Variants in SVIL observed in about 807,000 individuals in gnomAD.
SVIL encodes archvillin.
A neutral mutation model predicts 240.4 loss-of-function variants in SVIL; 101 were observed. The observed-to-expected ratio is 0.42, with a 90% CI of 0.36 to 0.50. The LOEUF (loss-of-function observed/expected upper bound fraction) is 0.50. Ranked by LOEUF, SVIL falls within the 20% of genes least tolerant of loss-of-function variation. The pLI, the probability that SVIL is intolerant of heterozygous loss-of-function variation, is 0.01. For missense variants in SVIL, 2,512 were observed against 2,818.7 expected, an observed-to-expected ratio of 0.89 and a Z score of 2.46; for synonymous variants, 999 against 1,100.0, an observed-to-expected ratio of 0.91 and a Z score of 1.82.
chr10:29,702,993 TA>T (rs1005244563), intron 1 of SVIL, among the ~76,000 whole-genome samples: 1 of 151,220 alleles, frequency 6.6e-6, no homozygotes, highest in African/African-American at 2.4e-5. Context: ...CACTTTGCTG[TA>T]AAAAAAAAGA....
At chr10:29,664,016 A>C (rs989748290) in intron 2 of SVIL, among the ~76,000 whole-genome samples, 1 of 152,340 alleles carries the variant, frequency 6.6e-6, no homozygotes, top group South Asian at 2.1e-4. Context: ...CCTACGGGAC[A>C]CGTTCCCCAT....
At chr10:29,730,326 C>T (rs1283099412) in intron 1 of SVIL, among the ~76,000 whole-genome samples, 1 of 152,160 alleles carries the variant, frequency 6.6e-6, no homozygotes, top group African/African-American at 2.4e-5. Context: ...TACAATGAAG[C>T]TGTAGAAGAA....
At chr10:29,632,768 C>T (rs1276466480) in intron 1 of SVIL, among the ~76,000 whole-genome samples, 1 of 152,128 alleles carries the variant, frequency 6.6e-6, no homozygotes, top group Admixed American at 6.5e-5. Flanking sequence ...CAGGAAGGCA[C>T]CTAATGTACT....
chr10:29,514,853 GAGATATATTCTATGATAAA>G (rs1950104632), intron 16 of SVIL, among the ~76,000 whole-genome samples: 1 of 152,192 alleles, frequency 6.6e-6, no homozygotes, highest in African/African-American at 2.4e-5. Flanking sequence ...GAGATGGGAT[GAGATATATTCTATGATAAA>G]AGTTTTGTTA....
chr10:29,486,843 T>C (rs1467467025), intron 24 of SVIL, among the ~76,000 whole-genome samples: 7 of 152,238 alleles, frequency 4.6e-5, no homozygotes, highest in Non-Finnish European at 1.5e-5. Flanking sequence ...GACAGTCTCA[T>C]TCAACAGGTC....
At chr10:29,657,651 C>T (rs756256215) in intron 3 of SVIL, among the ~76,000 whole-genome samples, 26 of 152,276 alleles carry the variant, frequency 1.7e-4, no homozygotes, top group Non-Finnish European at 2.6e-4. Flanking sequence ...CTAATAGCCA[C>T]GGCTCAGCTC....
chr10:29,480,502 C>T (rs2132350929), intron 29 of SVIL, 35 bp downstream of exon 29: 3 of 1,605,684 alleles, frequency 1.9e-6, no homozygotes, highest in Non-Finnish European at 2.6e-6. Flanking sequence ...GGGCCAGCCT[C>T]TTTCAGCTGG....
chr10:29,589,370 A>G (rs527739945), intron 1 of SVIL, among the ~76,000 whole-genome samples: 3 of 152,282 alleles, frequency 2.0e-5, no homozygotes, highest in Admixed American at 6.5e-5. Flanking sequence ...GGGAATCTGG[A>G]GGGGAGGAGA....
chr10:29,705,283 C>T (rs1311497125), intron 1 of SVIL, among the ~76,000 whole-genome samples: 2 of 152,092 alleles, frequency 1.3e-5, no homozygotes, highest in East Asian at 3.9e-4. Flanking sequence ...ATAATGGATC[C>T]CCAAAAGATA....
intron 2 of SVIL, among the ~76,000 whole-genome samples, chr10:29,681,658 A>G (rs1203610475): frequency 1.3e-5 from 2 of 152,136 alleles, no homozygotes; most frequent in Non-Finnish European, 2.9e-5. Context: ...CCTAATGATC[A>G]CGTCAGAAAA....
intron 2 of SVIL, among the ~76,000 whole-genome samples, chr10:29,684,913 TA>T (rs1251687327): frequency 1.3e-5 from 2 of 152,184 alleles, no homozygotes; most frequent in Non-Finnish European, 2.9e-5. Flanking sequence ...TTAGGACCTT[TA>T]TTTTTTTTTA....
rs1564446448 is a variant in SVIL, at chr10:29,462,381, C to T, written c.6298G>A (p.Ala2100Thr). The T allele has an allele frequency of 6.2e-7, 1 of 1,614,082 alleles. No homozygotes were observed. Among genetic ancestry groups the T allele is most frequent in the South Asian group, 1.1e-5 (1 of 91,054 alleles). The change falls in exon 36 of 38, where the codon GCC (alanine) becomes ACC (threonine). Residue 2100 changes from alanine to threonine, a missense_variant. Physicochemically the swap from Ala to Thr is moderately conservative, Grantham distance 58. This residue lies in a region of SVIL where 797 missense variants were observed against 925.3 expected (regional missense o/e 0.86). Transcript: ENST00000355867. ...YCKGKNLKKPAPKSYLIHAGL... is the reference protein window; with the variant it reads ...YCKGKNLKKPTPKSYLIHAGL... ...GCGTGGATAAGGTAAGACTTGGGGG[C>T]TGGTTTCTTGAGATTTTTTCCTGTA...
chr10:29,613,393 C>A (rs372295501), intron 1 of SVIL, among the ~76,000 whole-genome samples: 1 of 152,028 alleles, frequency 6.6e-6, no homozygotes, highest in East Asian at 1.9e-4. Flanking sequence ...AGTGCAGTGG[C>A]GCAATCAAGG....
Position 29,512,610 on chromosome 10 carries a change from A to AC in SVIL, c.3516+124dup, listed in dbSNP as rs544424002. On this transcript the variant is annotated intron_variant, in intron 17 of 37. Coordinates refer to ENST00000355867, the MANE Select transcript of SVIL (RefSeq NM_021738.3). ...GCTCTGTGACAGACTCTCAGTGTGT[A>AC]CCCTAAGGGCAAAAATGCACAAATG... The AC allele has an allele frequency of 6.3e-4, 963 of 1,531,086 alleles. 3 individuals carry two copies. Among genetic ancestry groups the AC allele is most frequent in the South Asian group, 1.4e-3 (125 of 86,506 alleles). The allele number at this position is 1,531,086 out of a possible 1,614,324, so 94.8% of individuals were successfully genotyped here.
intron 3 of SVIL, among the ~76,000 whole-genome samples, chr10:29,645,945 A>T (rs556480090): frequency 3.5e-4 from 53 of 152,182 alleles, no homozygotes; most frequent in Non-Finnish European, 6.0e-4. Flanking sequence ...GTTATTCAGG[A>T]GTTCTTCCAG....
chr10:29,537,967 C>A (rs1300599084), intron 6 of SVIL, among the ~76,000 whole-genome samples: 2 of 152,174 alleles, frequency 1.3e-5, no homozygotes, highest in Non-Finnish European at 2.9e-5. Context: ...TATAAAGGGT[C>A]CAATTCATCA....
chr10:29,472,930 T>C (rs1945751741), intron 30 of SVIL, among the ~76,000 whole-genome samples: 1 of 152,010 alleles, frequency 6.6e-6, no homozygotes, highest in African/African-American at 2.4e-5. Context: ...CTGGATAGAA[T>C]GGGTGCGGGG....
At chr10:29,473,813 G>A in intron 30 of SVIL, 25 bp downstream of exon 30, 1 of 1,613,496 alleles carries the variant, frequency 6.2e-7, no homozygotes. Flanking sequence ...TCAGTCCCCG[G>A]GGTGCAGAGC....
At position 29,554,834 on chromosome 10, in the gene SVIL, C is replaced by T; in HGVS notation, c.109G>A (p.Glu37Lys). The change falls in exon 5 of 38, where the codon GAA becomes AAA. Residue 37 changes from glutamate (E) to lysine (K), a missense_variant. Around this residue, in one of 3 missense-constraint regions of SVIL, gnomAD observed 1,443 missense variants for 1,486.6 expected, o/e 0.97. Transcript: ENST00000355867. ...GCTCTCATGTATCGAGGGGTGTCTT[C>T]CTCCAGCAGGCGGTGAGTCACCAAT... is the stretch of plus-strand genomic sequence containing the variant. ...TGLVTHRLLE[E>K]DTPRYMRASD... 6.2e-7 allele frequency: 1 copy of T among 1,613,606 alleles called. No homozygotes were observed. The highest frequency in any genetic ancestry group is 8.5e-7 in the Non-Finnish European group (1 of 1,179,758).
Sources: allele counts gnomAD v4.1 joint callset (sites outside exome capture counted in the v4.1 genomes callset), GRCh38; gene constraint gnomAD v4.1.1; regional missense constraint gnomAD v4.1.1; transcripts MANE v1.5; gene names NCBI Gene and HGNC (gene_info 2026-07-23, HGNC 2026-07-21).